The following UBE2QL1 variants were observed in gnomAD, a reference collection of about 807,000 sequenced individuals.
UBE2QL1 encodes the protein ubiquitin conjugating enzyme E2 QL1.
Under a neutral mutation model 12.6 loss-of-function variants are expected in UBE2QL1, and 5 were observed. The ratio of observed to expected loss-of-function variants is 0.40; its 90% CI spans 0.21 to 0.83. The LOEUF (loss-of-function observed/expected upper bound fraction) is 0.83, where lower values mean the gene tolerates loss of function less well. UBE2QL1 is among the 40% of genes least tolerant of loss of function. UBE2QL1 has a pLI of 0.37. For missense variants in UBE2QL1, 99 were observed against 222.6 expected, an observed-to-expected ratio of 0.44 and a Z score of 3.53; for synonymous variants, 96 against 94.5, an observed-to-expected ratio of 1.02 and a Z score of -0.10.
chr5:6,470,722 A>G (rs1739896865), intron 1 of UBE2QL1, among the ~76,000 whole-genome samples: 1 of 152,244 alleles, frequency 6.6e-6, no homozygotes, highest in Non-Finnish European at 1.5e-5. Context: ...GTCGGGTGAC[A>G]GTTAGGAGGC....
chr5:6,449,580 C>T (rs1739370217), intron 1 of UBE2QL1, among the ~76,000 whole-genome samples: 1 of 152,078 alleles, frequency 6.6e-6, no homozygotes. Context: ...TTCCATCCCT[C>T]TTCCTTAGCC....
intron 1 of UBE2QL1, among the ~76,000 whole-genome samples, chr5:6,487,367 C>T (rs1355669910): frequency 6.6e-6 from 1 of 152,172 alleles, no homozygotes; most frequent in Non-Finnish European, 1.5e-5. Flanking sequence ...TAACACTGTT[C>T]GACTTCTGTA....
At chr5:6,470,155 G>T (rs1560932281) in intron 1 of UBE2QL1, among the ~76,000 whole-genome samples, 1 of 152,310 alleles carries the variant, frequency 6.6e-6, no homozygotes, top group South Asian at 2.1e-4. Context: ...CTAAATGAAG[G>T]ATGGACCCCT....
chr5:6,481,128 T>C lies in UBE2QL1; in HGVS notation c.355-10090T>C, dbSNP rs1157338875. 1.3e-5 allele frequency among the ~76,000 whole-genome samples: 2 copies of C among 152,168 alleles called. No homozygotes were observed. The highest frequency in any genetic ancestry group is 1.3e-4 in the Admixed American group (2 of 15,288). ...TTTCAAGAGTTGGCCCGGAGCGTGC[T>C]TCTCGGGCCATTTCACCTGTGCACG... On this transcript the variant is annotated intron_variant, in intron 1 of 1. Coordinates refer to ENST00000399816, the MANE Select transcript of UBE2QL1 (RefSeq NM_001145161.3). The surrounding 1 kb of genome is among the most constrained non-coding windows in gnomAD (Gnocchi z 4.5).
intron 1 of UBE2QL1, among the ~76,000 whole-genome samples, chr5:6,463,637 A>ATTTTTT (rs936034075): frequency 6.9e-6 from 1 of 145,018 alleles, no homozygotes; most frequent in Non-Finnish European, 1.5e-5. Context: ...TATTATTATT[A>ATTTTTT]TTATTTTTGA....
At chr5:6,461,997 G>A (rs1739677504) in intron 1 of UBE2QL1, among the ~76,000 whole-genome samples, 2 of 152,174 alleles carry the variant, frequency 1.3e-5, no homozygotes, top group Admixed American at 6.5e-5. Context: ...TGCAGCAGCT[G>A]TTGGTCAGCA....
chr5:6,462,692 G>T (rs1057049539), intron 1 of UBE2QL1, among the ~76,000 whole-genome samples: 2 of 152,204 alleles, frequency 1.3e-5, no homozygotes, highest in African/African-American at 4.8e-5. Flanking sequence ...CCCTCACTCA[G>T]CGTGCACTTA....
At chr5:6,457,854 T>C (rs967117995) in intron 1 of UBE2QL1, among the ~76,000 whole-genome samples, 1 of 152,228 alleles carries the variant, frequency 6.6e-6, no homozygotes, top group Non-Finnish European at 1.5e-5. Flanking sequence ...TGCAGTTCCA[T>C]GGTGCATGGT....
intron 1 of UBE2QL1, 40 bp from the exon 2 acceptor site, chr5:6,491,178 A>T (rs747821879): frequency 6.7e-7 from 1 of 1,493,532 alleles, no homozygotes; most frequent in South Asian, 1.3e-5. Flanking sequence ...CAGAATTCCC[A>T]GTGACGTTCT....
At chr5:6,473,731 G>A (rs1268182446) in intron 1 of UBE2QL1, among the ~76,000 whole-genome samples, 1 of 152,226 alleles carries the variant, frequency 6.6e-6, no homozygotes, top group Non-Finnish European at 1.5e-5. Context: ...AACAAAGCCA[G>A]CACAAAACTT....
intron 1 of UBE2QL1, among the ~76,000 whole-genome samples, chr5:6,472,307 C>A (rs922229284): frequency 6.6e-6 from 1 of 152,234 alleles, no homozygotes; most frequent in African/African-American, 2.4e-5. Context: ...GCAAGTGGAT[C>A]TTCTGGGCTT....
At chr5:6,464,034 G>A (rs370455689) in intron 1 of UBE2QL1, among the ~76,000 whole-genome samples, 10 of 151,964 alleles carry the variant, frequency 6.6e-5, no homozygotes, top group African/African-American at 1.2e-4. Context: ...GTGCAATGGC[G>A]TGATCTCAGC....
At position 6,449,226 on chromosome 5, in the gene UBE2QL1, A is replaced by C; in HGVS notation, c.333A>C (p.Ala111=). The C allele has an allele frequency of 6.9e-7, 1 of 1,458,146 alleles. No individual in the cohort carries two copies. Among genetic ancestry groups the C allele is most frequent in the Admixed American group, 2.3e-5 (1 of 44,112 alleles). 90.3% of individuals were successfully genotyped at this position (1,458,146 alleles called of 1,614,324 possible). Residue 111 remains alanine (A), a synonymous_variant, in exon 1 of 2, where the codon GCA becomes GCC. Coordinates refer to ENST00000399816, the MANE Select transcript of UBE2QL1 (RefSeq NM_001145161.3). ...TGGAGGCCGTCATGCGCCAGTTCGC[A>C]GCCAGCCTGGTCAAGGGCCAGGTAA... is the stretch of plus-strand genomic sequence containing the variant. ...YTVEAVMRQF[A]ASLVKGQGRI... is the part of the protein sequence containing the mutation.
intron 1 of UBE2QL1, among the ~76,000 whole-genome samples, chr5:6,465,618 G>C (rs538320730): frequency 6.6e-6 from 1 of 152,158 alleles, no homozygotes; most frequent in Non-Finnish European, 1.5e-5. Flanking sequence ...GGGACTCTTG[G>C]GGGGGCTCTG....
chr5:6,494,853 C>T lies in UBE2QL1; in HGVS notation c.*3504C>T, dbSNP rs569907162. The T allele has an allele frequency of 2.0e-5, 3 of 152,368 alleles. No homozygotes were observed. The highest frequency in any genetic ancestry group is 2.0e-4 in the Admixed American group (3 of 15,302). 9.4% of individuals were successfully genotyped at this position (152,368 alleles called of 1,614,324 possible). ...CTCTCCACTCACTCAGCATTCTCCT[C>T]TTAAATGCAGGGCATGCAGAAGATT... On this transcript the variant is annotated 3_prime_UTR_variant, in exon 2 of 2. Coordinates refer to ENST00000399816, the MANE Select transcript of UBE2QL1 (RefSeq NM_001145161.3).
chr5:6,468,732 A>G (rs1739846014), intron 1 of UBE2QL1, among the ~76,000 whole-genome samples: 1 of 152,208 alleles, frequency 6.6e-6, no homozygotes, highest in Admixed American at 6.5e-5. Flanking sequence ...CAGTTAACTT[A>G]TAGTTACTTC....
At chr5:6,457,951 T>C (rs979910334) in intron 1 of UBE2QL1, among the ~76,000 whole-genome samples, 5 of 152,250 alleles carry the variant, frequency 3.3e-5, no homozygotes, top group African/African-American at 4.8e-5. Context: ...ATCAGCAACG[T>C]TGGACAAATA....
chr5:6,487,570 A>C (rs1032170906), intron 1 of UBE2QL1, among the ~76,000 whole-genome samples: 2 of 149,682 alleles, frequency 1.3e-5, no homozygotes, highest in African/African-American at 5.1e-5. Context: ...GAGATATTTT[A>C]GAAGAAATGA....
Position 6,449,027 on chromosome 5 carries a change from A to G in UBE2QL1, c.134A>G (p.Lys45Arg), listed in dbSNP as rs897668931. 7 of 1,549,078 alleles carry G rather than the reference A, an allele frequency of 4.5e-6. No individual in the cohort carries two copies. In the African/African-American group the frequency reaches 9.6e-5, roughly 21 times the overall value. ...DKDSVLWQDM[K>R]ETNTEFILLN... ...GACTCGGTGCTGTGGCAGGACATGA[A>G]GGAGACCAACACCGAGTTCATCCTG... is the stretch of plus-strand genomic sequence containing the variant. Residue 45 changes from lysine to arginine, a missense_variant, in exon 1 of 2, where the codon AAG (lysine) becomes AGG (arginine). Coordinates refer to ENST00000399816, the MANE Select transcript of UBE2QL1 (RefSeq NM_001145161.3).
Sources: gnomAD v4.1 joint callset for allele counts (sites outside exome capture counted in the v4.1 genomes callset) on GRCh38, gnomAD v4.1.1 for gene constraint, Gnocchi (gnomAD v3.1) non-coding constraint, MANE v1.5 for transcripts, NCBI Gene and HGNC (gene_info 2026-07-23, HGNC 2026-07-21) for gene names.